RTRAF: variants seen among roughly 807,000 people sequenced by gnomAD.
The protein encoded by RTRAF is tRNA-splicing ligase complex subunit RTRAF.
Under a neutral mutation model 34.4 loss-of-function variants are expected in RTRAF, and 14 were observed. The observed-to-expected ratio is 0.41, with a 90% CI of 0.27 to 0.64. The LOEUF (loss-of-function observed/expected upper bound fraction) is 0.64. Ranked by LOEUF, RTRAF falls within the 30% of genes least tolerant of loss-of-function variation. The pLI is 0.34. For synonymous variants in RTRAF, 96 were observed against 95.3 expected, an observed-to-expected ratio of 1.01 and a Z score of -0.04; for missense variants, 291 against 288.4, an observed-to-expected ratio of 1.01 and a Z score of -0.06.
intron 1 of RTRAF, among the ~76,000 whole-genome samples, chr14:51,989,953 A>C (rs1013314306): frequency 6.6e-6 from 1 of 152,040 alleles, no homozygotes; most frequent in Non-Finnish European, 1.5e-5. Flanking sequence ...TCACGTAACT[A>C]CCTTCTCTGT....
At position 52,004,189 on chromosome 14, in the gene RTRAF, T is replaced by A. The variant is rs774119212; in HGVS notation, c.532-5T>A. ...TACTCTCATTTTGTCTTTCTTTTTT[T>A]AAAGGGCTTACCTGTTGCTTTAGAC... On this transcript the variant is annotated splice_region_variant and splice_polypyrimidine_tract_variant and intron_variant, in intron 6 of 7. Transcript: ENST00000261700. The A allele has an allele frequency of 6.2e-7, 1 of 1,609,830 alleles. No homozygotes were observed. Among genetic ancestry groups the A allele is most frequent in the Non-Finnish European group, 8.5e-7 (1 of 1,177,526 alleles).
In RTRAF at chr14:51,989,680, C is replaced by G. The variant is rs748105780; in HGVS notation, c.41C>G (p.Pro14Arg). 9 of 1,605,170 alleles carry G rather than the reference C, an allele frequency of 5.6e-6. No homozygotes were observed. Among genetic ancestry groups the G allele is most frequent in the Non-Finnish European group, 6.8e-6 (8 of 1,176,334 alleles). Residue 14 changes from proline to arginine, a missense_variant, in exon 1 of 8, where the codon CCC becomes CGC. By Grantham distance (103) the Pro-to-Arg change is moderately radical (BLOSUM62 -2). Coordinates refer to ENST00000261700, the MANE Select transcript of RTRAF (RefSeq NM_016039.3). Reference protein sequence around the residue: ...RKLTALDYHNPAGFNCKDETE... With the variant: ...RKLTALDYHNRAGFNCKDETE... ...TTGACGGCTCTCGACTACCACAACC[C>G]CGCCGGCTTCAACTGCAAAGGTGAG...
chr14:51,999,664 G>T (rs749836682), intron 4 of RTRAF, 44 bp from the exon 5 acceptor site: 2 of 1,307,628 alleles, frequency 1.5e-6, no homozygotes, highest in African/African-American at 1.5e-5. Flanking sequence ...GTAATTATAC[G>T]TTTGCAGGGT....
At chr14:51,989,965 C>T (rs888965670) in intron 1 of RTRAF, among the ~76,000 whole-genome samples, 1 of 152,230 alleles carries the variant, frequency 6.6e-6, no homozygotes, top group Admixed American at 6.5e-5. Context: ...CTTCTCTGTA[C>T]ATAAAAGGGA....
At chr14:51,996,414 A>G (rs1890522255) in intron 3 of RTRAF, among the ~76,000 whole-genome samples, 1 of 152,076 alleles carries the variant, frequency 6.6e-6, no homozygotes, top group Non-Finnish European at 1.5e-5. Context: ...TGCTGAAACC[A>G]TTGTGAGTTT....
rs996748679 is a variant in RTRAF, at chr14:52,006,014, T to G, written c.*1498T>G. 8.2e-6 allele frequency: 5 copies of G among 608,090 alleles called. No individual in the cohort carries two copies. The East Asian group carries it at 1.4e-4, about 17-fold the overall frequency. 37.7% of individuals were successfully genotyped at this position (608,090 alleles called of 1,614,324 possible). On this transcript the variant is annotated 3_prime_UTR_variant, in exon 8 of 8. Transcript: ENST00000261700. Reference sequence around the variant, plus strand: ...GAAGTTTGAAGACCATTGCTCTAAATCCATTGCTCATCTCTAGCTGCATGT... The same window carrying G: ...GAAGTTTGAAGACCATTGCTCTAAAGCCATTGCTCATCTCTAGCTGCATGT...
At position 52,005,904 on chromosome 14, in the gene RTRAF, G is replaced by A; in HGVS notation, c.*1388G>A. 1.4e-6 allele frequency: 1 copy of A among 710,690 alleles called. No homozygotes were observed. Among genetic ancestry groups the A allele is most frequent in the South Asian group, 2.4e-5 (1 of 41,768 alleles). 44.0% of individuals were successfully genotyped at this position (710,690 alleles called of 1,614,324 possible). A position where few individuals can be genotyped will look rare whatever the true frequency, so the allele number is the denominator to read the frequency against. ...GGACAGTCATTTACTAGATAAAGAA[G>A]TCAGTCAGCCACAGAAAATCAGTTG... On this transcript the variant is annotated 3_prime_UTR_variant, in exon 8 of 8. Transcript: ENST00000261700.
In RTRAF at chr14:52,009,923, G is replaced by C. The variant is rs113525805; in HGVS notation, c.*5407G>C. 1,051 of 151,686 alleles carry C rather than the reference G, an allele frequency of 6.9e-3. 12 individuals carry two copies. Among genetic ancestry groups the C allele is most frequent in the African/African-American group, 0.024 (993 of 40,968 alleles). 9.4% of individuals were successfully genotyped at this position (151,686 alleles called of 1,614,324 possible). ...AATTGCTTGAACCCGGGAGATGGAG[G>C]TTGTAGTCAGCCGAGACTGTGCCAC... On this transcript the variant is annotated 3_prime_UTR_variant, in exon 8 of 8. Transcript: ENST00000261700.
chr14:51,991,270 A>T (rs190947056), intron 1 of RTRAF, 47 bp from the exon 2 acceptor site: 13 of 1,573,330 alleles, frequency 8.3e-6, no homozygotes, highest in Middle Eastern at 1.7e-4. Context: ...AGAAGGAGGT[A>T]TTTTATGTAG....
At chr14:51,996,134 T>C (rs949056940) in intron 3 of RTRAF, among the ~76,000 whole-genome samples, 3 of 152,144 alleles carry the variant, frequency 2.0e-5, no homozygotes, top group Admixed American at 6.5e-5. Context: ...CATGTTCTTT[T>C]AGTGAATAAA....
Position 52,009,965 on chromosome 14 carries a change from CA to C in RTRAF, c.*5451del, listed in dbSNP as rs1890944409. The C allele has an allele frequency of 1.3e-5, 2 of 150,460 alleles. No homozygotes were observed. The highest frequency in any genetic ancestry group is 3.0e-5 in the Non-Finnish European group (2 of 67,768). The allele number at this position is 150,460 out of a possible 1,614,324, so 9.3% of individuals were successfully genotyped here. A position where few individuals can be genotyped will look rare whatever the true frequency, so the allele number is the denominator to read the frequency against. ...CTGTGCCACTGCACCCCAGCCTCGG[CA>C]ACAAAGCAAGACCTTGTCTCAAAAA... On this transcript the variant is annotated 3_prime_UTR_variant, in exon 8 of 8. Coordinates refer to ENST00000261700, the MANE Select transcript of RTRAF (RefSeq NM_016039.3).
chr14:52,001,760 C>G, intron 5 of RTRAF, 38 bp from the exon 6 acceptor site: 1 of 1,556,780 alleles, frequency 6.4e-7, no homozygotes. Context: ...GACAGGTACA[C>G]AGCCTATAAA....
At chr14:51,996,678 A>C (rs1233199190) in intron 3 of RTRAF, among the ~76,000 whole-genome samples, 2 of 152,038 alleles carry the variant, frequency 1.3e-5, no homozygotes, top group Non-Finnish European at 2.9e-5. Flanking sequence ...TTTTACTCTT[A>C]AACACTTTAA....
At chr14:51,995,789 C>T (rs1008888313) in intron 3 of RTRAF, among the ~76,000 whole-genome samples, 3 of 151,640 alleles carry the variant, frequency 2.0e-5, no homozygotes, top group South Asian at 2.1e-4. Context: ...TTTGAGACTT[C>T]GTTTACTTTT....
At chr14:51,998,259 A>G (rs1179419821) in intron 3 of RTRAF, 1 of 376,532 alleles carries the variant, frequency 2.7e-6, no homozygotes, top group African/African-American at 2.1e-5. Flanking sequence ...TAAGTTGTAC[A>G]TTGAACATAA....
At position 52,009,211 on chromosome 14, in the gene RTRAF, C is replaced by A. The variant is rs945219182; in HGVS notation, c.*4695C>A. ...AAGCTAGAAAGCAGTTTCCACTTTG[C>A]GCTAAGGTGGAGGTGGCCAGAGGGT... is the stretch of plus-strand genomic sequence containing the variant. On this transcript the variant is annotated 3_prime_UTR_variant, in exon 8 of 8. Coordinates refer to ENST00000261700, the MANE Select transcript of RTRAF (RefSeq NM_016039.3). 1 of 152,114 alleles carries A rather than the reference C, an allele frequency of 6.6e-6. No homozygotes were observed. The highest frequency in any genetic ancestry group is 1.5e-5 in the Non-Finnish European group (1 of 68,028). 9.4% of individuals were successfully genotyped at this position (152,114 alleles called of 1,614,324 possible).
Position 52,006,723 on chromosome 14 carries a change from A to C in RTRAF, c.*2207A>C. The C allele has an allele frequency of 6.4e-7, 1 of 1,559,868 alleles. No individual in the cohort carries two copies. The highest frequency in any genetic ancestry group is 2.3e-5 in the East Asian group (1 of 44,382). On this transcript the variant is annotated 3_prime_UTR_variant, in exon 8 of 8. Transcript: ENST00000261700. ...GCTTTGCCAAAAATGATAGTGACAT[A>C]GTGATAGTGACACAGTGATAGAATG... is the stretch of plus-strand genomic sequence containing the variant.
rs763643280 is a variant in RTRAF at position 52,005,788 on chromosome 14, G to C, written c.*1272G>C. 6.2e-6 allele frequency: 10 copies of C among 1,613,918 alleles called. No individual in the cohort carries two copies. The highest frequency in any genetic ancestry group is 8.5e-6 in the Non-Finnish European group (10 of 1,179,822). ...GTTATCCCGTAGAGGTGAGATCGTT[G>C]TTCTGGGAGATACTCATCAGTAAAC... On this transcript the variant is annotated 3_prime_UTR_variant, in exon 8 of 8. Transcript: ENST00000261700.
chr14:52,001,729 T>C, intron 5 of RTRAF, 69 bp from the exon 6 acceptor site: 1 of 1,207,034 alleles, frequency 8.3e-7, no homozygotes. Flanking sequence ...CCTTATTCTC[T>C]GGGCTCATAG....
Sources: allele counts gnomAD v4.1 joint callset (sites outside exome capture counted in the v4.1 genomes callset), GRCh38; gene constraint gnomAD v4.1.1; transcripts MANE v1.5; gene names NCBI Gene and HGNC (gene_info 2026-07-23, HGNC 2026-07-21).